FAM178B: variants seen among roughly 807,000 people sequenced by gnomAD.
The protein encoded by FAM178B is family with sequence similarity 178 member B.
In FAM178B, 82 loss-of-function variants were observed where a neutral mutation model predicts 91.7. That is an observed-to-expected ratio of 0.89 (90% CI 0.75 to 1.07). FAM178B has a LOEUF of 1.07. Among genes scored for constraint, FAM178B ranks in the 50% least tolerant of loss-of-function variants. The probability of loss-of-function intolerance (pLI) is 0.00; values close to 1 mark genes in which losing one functional copy is unlikely to be tolerated. For missense variants in FAM178B, 769 were observed against 846.7 expected, an observed-to-expected ratio of 0.91 and a Z score of 1.14; for synonymous variants, 368 against 359.4, an observed-to-expected ratio of 1.02 and a Z score of -0.27.
rs563037539 is a variant in FAM178B, at chr2:96,878,083, A to G, written c.1855-41T>C. On this transcript the variant is annotated intron_variant, in intron 15 of 16. Coordinates refer to ENST00000490605, the MANE Select transcript of FAM178B (RefSeq NM_001122646.3). ...GAGGCCAAGAAGCGGGTGTAGCACA[A>G]GCCAGGCACATCCAAAGCCGGGCAG... 41 of 1,596,936 alleles carry G rather than the reference A, an allele frequency of 2.6e-5. 2 individuals are homozygous for G. In the South Asian group the frequency reaches 3.5e-4, roughly 14 times the overall value.
intron 1 of FAM178B, among the ~76,000 whole-genome samples, chr2:96,976,877 T>C (rs997166025): frequency 2.0e-5 from 3 of 149,688 alleles, no homozygotes; most frequent in African/African-American, 4.9e-5. Context: ...ATAAAATAAA[T>C]AAACACATAA....
At position 96,972,301 on chromosome 2, in the gene FAM178B, A is replaced by G. The variant is rs1730120; in HGVS notation, c.164T>C (p.Val55Ala). ...CTCCAGGTTGTACAGGAGGATGGGCACGGTGGCGGCAGCCTGCACCCCTGC... is the reference window on the plus strand; with the variant it reads ...CTCCAGGTTGTACAGGAGGATGGGCGCGGTGGCGGCAGCCTGCACCCCTGC... ...LREGVQAAAT[V>A]PILLYNLEDG... The change falls in exon 3 of 17, where the codon GTG (valine) becomes GCG (alanine). Residue 55 changes from valine (V) to alanine (A), a missense_variant. Transcript: ENST00000490605. 0.82 allele frequency: 1,203,245 copies of G among 1,467,258 alleles called. 507,948 individuals carry two copies. Among genetic ancestry groups the G allele is most frequent in the Non-Finnish European group, 0.87 (968,827 of 1,107,580 alleles). 90.9% of individuals were successfully genotyped at this position (1,467,258 alleles called of 1,614,324 possible). A position where few individuals can be genotyped will look rare whatever the true frequency, so the allele number is the denominator to read the frequency against.
intron 1 of FAM178B, among the ~76,000 whole-genome samples, chr2:96,975,315 TAGG>T (rs2082275838): frequency 6.6e-6 from 1 of 152,118 alleles, no homozygotes; most frequent in Non-Finnish European, 1.5e-5. Flanking sequence ...ATTGTTAAGA[TAGG>T]AGATTTTAAG....
chr2:96,893,567 GA>G (rs2080733979), intron 14 of FAM178B, among the ~76,000 whole-genome samples: 1 of 151,954 alleles, frequency 6.6e-6, no homozygotes, highest in Admixed American at 6.6e-5. Context: ...CGCTTATCCT[GA>G]TGTGCTCCCA....
intron 1 of FAM178B, among the ~76,000 whole-genome samples, chr2:96,974,765 T>C (rs1257016): frequency 0.79 from 119,416 of 152,018 alleles, 48,386 homozygotes; most frequent in Non-Finnish European, 0.88. Flanking sequence ...AGTCAAAAAG[T>C]ACAAGAGACA....
In FAM178B at chr2:96,904,464, C is replaced by T. The variant is rs943813548; in HGVS notation, c.1563-1757G>A. 5.9e-5 allele frequency among the ~76,000 whole-genome samples: 9 copies of T among 152,068 alleles called. No homozygotes were observed. In the South Asian group the frequency reaches 8.3e-4, roughly 14 times the overall value. On this transcript the variant is annotated intron_variant, in intron 12 of 16. Transcript: ENST00000490605. ...TCGGCTCACTGTAACCTCTGCCTCC[C>T]GGGTTCAAGCATTTCTCCTACCTCA...
intron 14 of FAM178B, among the ~76,000 whole-genome samples, chr2:96,886,402 T>G: frequency 6.6e-6 from 1 of 151,726 alleles, no homozygotes. Flanking sequence ...CCAGGAAGAG[T>G]TAAAGGATGA....
At chr2:96,920,993 T>C (rs2081328143) in intron 12 of FAM178B, among the ~76,000 whole-genome samples, 172 bp downstream of exon 12, 1 of 152,132 alleles carries the variant, frequency 6.6e-6, no homozygotes, top group African/African-American at 2.4e-5. Flanking sequence ...AATTAAGCTT[T>C]TTTTCATTTG....
chr2:96,957,382 A>G (rs1201380335), intron 6 of FAM178B, among the ~76,000 whole-genome samples: 2 of 152,192 alleles, frequency 1.3e-5, no homozygotes, highest in Non-Finnish European at 2.9e-5. Flanking sequence ...ACCGAGTCAC[A>G]CAGCGGGCAT....
chr2:96,960,352 G>A lies in FAM178B; in HGVS notation c.823C>T (p.Leu275=). The change falls in exon 6 of 17, where the codon CTG becomes TTG. Residue 275 remains leucine (L), a synonymous_variant. Transcript: ENST00000490605. ...ETVFLPRCHP[L]PCILDSSLLK... ...AGTGAGGAGTCCAGGATGCATGGCA[G>A]GGGGTGACACCTGGGCAGAAACACA... 1.3e-6 allele frequency: 2 copies of A among 1,551,826 alleles called. No individual in the cohort carries two copies. The highest frequency in any genetic ancestry group is 1.7e-6 in the Non-Finnish European group (2 of 1,147,006).
intron 10 of FAM178B, among the ~76,000 whole-genome samples, chr2:96,922,862 C>T (rs553862790): frequency 1.3e-5 from 2 of 151,822 alleles, no homozygotes; most frequent in South Asian, 4.2e-4. Flanking sequence ...TGTGTAGAGA[C>T]GGGGTTTTGC....
In FAM178B at chr2:96,901,657, G is replaced by A. The variant is rs1264258597; in HGVS notation, c.1650+963C>T. On this transcript the variant is annotated intron_variant, in intron 13 of 16. Transcript: ENST00000490605. Reference sequence around the variant, plus strand: ...AAAAAAATGGGCTGTGGGCACTGTTGGGGGGTTGTGTTTAATGAGTGTGGA... The same window carrying A: ...AAAAAAATGGGCTGTGGGCACTGTTAGGGGGTTGTGTTTAATGAGTGTGGA... Among the ~76,000 whole-genome samples, 5 of 152,244 alleles carry A rather than the reference G, an allele frequency of 3.3e-5. No homozygotes were observed. The East Asian group carries it at 9.6e-4, about 29-fold the overall frequency.
At chr2:96,986,072 G>C (rs1292992160) in intron 1 of FAM178B, among the ~76,000 whole-genome samples, 169 bp downstream of exon 1, 4 of 152,218 alleles carry the variant, frequency 2.6e-5, no homozygotes, top group Non-Finnish European at 4.4e-5. Context: ...GCTCACGTCG[G>C]AACCCGAACC....
intron 4 of FAM178B, 48 bp from the exon 5 acceptor site, chr2:96,967,675 C>T (rs1432154083): frequency 5.8e-5 from 76 of 1,313,932 alleles, no homozygotes; most frequent in East Asian, 2.5e-4. Flanking sequence ...TGTTCCCCAT[C>T]GTGCAACCCT....
At chr2:96,970,643 T>G (rs1421672526) in intron 4 of FAM178B, 73 bp downstream of exon 4, 1 of 1,181,796 alleles carries the variant, frequency 8.5e-7, no homozygotes, top group Non-Finnish European at 1.2e-6. Flanking sequence ...GACCAGACTC[T>G]GCAGTGAGTC....
intron 12 of FAM178B, among the ~76,000 whole-genome samples, chr2:96,907,732 G>C (rs544670841): frequency 6.6e-6 from 1 of 152,318 alleles, no homozygotes; most frequent in Non-Finnish European, 1.5e-5. Context: ...CCTCCGCAAG[G>C]GGCACCCAGG....
At chr2:96,973,237 A>G (rs1050511922) in intron 1 of FAM178B, among the ~76,000 whole-genome samples, 35 of 151,260 alleles carry the variant, frequency 2.3e-4, no homozygotes, top group African/African-American at 8.5e-4. Context: ...CCAAAACAAA[A>G]CCAGCACAGC....
intron 1 of FAM178B, among the ~76,000 whole-genome samples, 155 bp downstream of exon 1, chr2:96,986,086 C>T (rs945597470): frequency 6.6e-6 from 1 of 152,218 alleles, no homozygotes; most frequent in African/African-American, 2.4e-5. Context: ...CCGAACCACG[C>T]GGGGTCGCAG....
At chr2:96,964,812 TA>T (rs2082124178) in intron 5 of FAM178B, among the ~76,000 whole-genome samples, 1 of 152,146 alleles carries the variant, frequency 6.6e-6, no homozygotes, top group African/African-American at 2.4e-5. Context: ...CTGTGACCTC[TA>T]AATCATACGT....
Sources: gnomAD v4.1 joint callset for allele counts (sites outside exome capture counted in the v4.1 genomes callset) on GRCh38, gnomAD v4.1.1 for gene constraint, MANE v1.5 for transcripts, NCBI Gene and HGNC (gene_info 2026-07-23, HGNC 2026-07-21) for gene names.